The following VGF variants were observed in gnomAD, a reference collection of about 807,000 sequenced individuals.
VGF encodes VGF nerve growth factor inducible.
Under a neutral mutation model 41.1 loss-of-function variants are expected in VGF, and 13 were observed. That is an observed-to-expected ratio of 0.32 (90% CI 0.21 to 0.50). The LOEUF (loss-of-function observed/expected upper bound fraction) is 0.50, where lower values mean the gene tolerates loss of function less well. VGF is among the 20% of genes least tolerant of loss of function. The pLI is 0.98. For synonymous variants in VGF, 473 were observed against 418.3 expected, an observed-to-expected ratio of 1.13 and a Z score of -1.60; for missense variants, 920 against 882.1, an observed-to-expected ratio of 1.04 and a Z score of -0.54.
rs764321082 is a variant in VGF, at chr7:101,164,557, G to A, written c.287C>T (p.Pro96Leu). The A allele has an allele frequency of 6.3e-7, 1 of 1,599,642 alleles. No individual in the cohort carries two copies. The highest frequency in any genetic ancestry group is 1.7e-5 in the Admixed American group (1 of 59,330). ...LLQALDRPAS[P>L]PAPSGSQQGP... ...CTGCTGGGAGCCGCTTGGTGCCGGG[G>A]GTGAGGCGGGACGGTCGAGTGCCTG... The change falls in exon 2 of 2, where the codon CCC (proline) becomes CTC (leucine). Residue 96 changes from proline (P) to leucine (L), a missense_variant. By Grantham distance (98) the Pro-to-Leu change is moderately conservative (BLOSUM62 -3). Around this residue, in one of 3 missense-constraint regions of VGF, gnomAD observed 654 missense variants for 638.4 expected, o/e 1.02. Coordinates refer to ENST00000249330, the MANE Select transcript of VGF (RefSeq NM_003378.4).
rs559485433 is a variant in VGF at position 101,162,938 on chromosome 7, G to C, written c.*58C>G. The C allele has an allele frequency of 2.7e-5, 23 of 841,126 alleles. No homozygotes were observed. Among genetic ancestry groups the C allele is most frequent in the African/African-American group, 3.6e-5 (2 of 55,240 alleles). 52.1% of individuals were successfully genotyped at this position (841,126 alleles called of 1,614,324 possible). A position where few individuals can be genotyped will look rare whatever the true frequency, so the allele number is the denominator to read the frequency against. The stretch of plus-strand genomic sequence containing the variant: ...CCGAGGGGGAGCGGGCAACACGGAG[G>C]GGGGCGCCGGCGCGCGCGCGCGGCG... On this transcript the variant is annotated 3_prime_UTR_variant, in exon 2 of 2. Transcript: ENST00000249330. This position sits in a 1 kb window ranked among gnomAD's most constrained non-coding sequence, Gnocchi z 4.2.
upstream of VGF, among the ~76,000 whole-genome samples, chr7:101,169,002 C>T (rs1486070466): frequency 2.0e-5 from 3 of 152,010 alleles, no homozygotes; most frequent in East Asian, 5.8e-4. Context: ...ATTTAGAACA[C>T]ACTCTTGCCC....
rs1403938988 is a variant in VGF at position 101,164,083 on chromosome 7, G to C, written c.761C>G (p.Pro254Arg). Residue 254 changes from proline (P) to arginine (R), a missense_variant, in exon 2 of 2, where the codon CCC (proline) becomes CGC (arginine). By Grantham distance (103) the Pro-to-Arg change is moderately radical. Around this residue, in one of 3 missense-constraint regions of VGF, gnomAD observed 654 missense variants for 638.4 expected, o/e 1.02. Transcript: ENST00000249330. ...CAATGCCTCGCCTAGGTGTGTTTTG[G>C]GGGAGGACACTCCTTCCCCGAACTT... ...THKFGEGVSS[P>R]KTHLGEALAP... 6.7e-7 allele frequency: 1 copy of C among 1,500,172 alleles called. No individual in the cohort carries two copies. The highest frequency in any genetic ancestry group is 8.8e-7 in the Non-Finnish European group (1 of 1,132,326). The allele number at this position is 1,500,172 out of a possible 1,614,324, so 92.9% of individuals were successfully genotyped here. A position where few individuals can be genotyped will look rare whatever the true frequency, so the allele number is the denominator to read the frequency against.
Position 101,162,823 on chromosome 7 carries a change from C to T in VGF, c.*173G>A. On this transcript the variant is annotated 3_prime_UTR_variant, in exon 2 of 2. Coordinates refer to ENST00000249330, the MANE Select transcript of VGF (RefSeq NM_003378.4). The surrounding 1 kb of genome is among the most constrained non-coding windows in gnomAD (Gnocchi z 4.2). ...CGCGGGTGAGCTCTGGGAGTTCGGG[C>T]TCAGGACCCGGGAGGGGGGTCTGGC... 1.5e-6 allele frequency: 1 copy of T among 662,748 alleles called. No homozygotes were observed. Among genetic ancestry groups the T allele is most frequent in the East Asian group, 3.1e-5 (1 of 32,306 alleles). 41.1% of individuals were successfully genotyped at this position (662,748 alleles called of 1,614,324 possible). A position where few individuals can be genotyped will look rare whatever the true frequency, so the allele number is the denominator to read the frequency against.
upstream of VGF, among the ~76,000 whole-genome samples, chr7:101,166,029 G>C (rs1003508089): frequency 6.6e-6 from 1 of 152,190 alleles, no homozygotes; most frequent in East Asian, 1.9e-4. Flanking sequence ...GGGCACCAGT[G>C]GGAGCTCAAT....
intron 1 of VGF, chr7:101,165,122 A>G: frequency 8.5e-7 from 1 of 1,181,608 alleles, no homozygotes; most frequent in Non-Finnish European, 1.0e-6. Context: ...TCTCACTGCC[A>G]TCGCCCACGT....
Position 101,163,395 on chromosome 7 carries a change from C to T in VGF, c.1449G>A (p.Lys483=), listed in dbSNP as rs746511140. ...IEEVEEKRKR[K]KNAPPEPVPP... The stretch of plus-strand genomic sequence containing the variant: ...GCACGGGCTCGGGAGGGGCGTTCTT[C>T]TTCCGCTTCCGCTTCTCCTCCACCT... The change falls in exon 2 of 2, where the codon AAG becomes AAA. Residue 483 remains lysine, a synonymous_variant. Transcript: ENST00000249330. The surrounding 1 kb of genome is among the most constrained non-coding windows in gnomAD (Gnocchi z 5.0). The T allele has an allele frequency of 4.9e-5, 78 of 1,600,366 alleles. No individual in the cohort carries two copies. Among genetic ancestry groups the T allele is most frequent in the Admixed American group, 1.0e-4 (6 of 59,854 alleles).
rs751124945 is a variant in VGF at position 101,164,107 on chromosome 7, T to G, written c.737A>C (p.Lys246Thr). 2 of 1,500,870 alleles carry G rather than the reference T, an allele frequency of 1.3e-6. No homozygotes were observed. The allele number at this position is 1,500,870 out of a possible 1,614,324, so 93.0% of individuals were successfully genotyped here. A position where few individuals can be genotyped will look rare whatever the true frequency, so the allele number is the denominator to read the frequency against. Residue 246 changes from lysine to threonine, a missense_variant, in exon 2 of 2, where the codon AAG becomes ACG. Physicochemically the swap from Lys to Thr is moderately conservative, Grantham distance 78. Coordinates refer to ENST00000249330, the MANE Select transcript of VGF (RefSeq NM_003378.4). Reference protein sequence around the residue: ...PDSGPLPETHKFGEGVSSPKT... With the variant: ...PDSGPLPETHTFGEGVSSPKT... Reference sequence around the variant, plus strand: ...GGGGGAGGACACTCCTTCCCCGAACTTGTGGGTTTCGGGAAGGGGCCCGCT... The same window carrying G: ...GGGGGAGGACACTCCTTCCCCGAACGTGTGGGTTTCGGGAAGGGGCCCGCT...
rs751945028 is a variant in VGF, at chr7:101,163,366, G to T, written c.1478C>A (p.Pro493His). 2.9e-5 allele frequency: 44 copies of T among 1,543,034 alleles called. No individual in the cohort carries two copies. Among genetic ancestry groups the T allele is most frequent in the Middle Eastern group, 2.3e-4 (1 of 4,316 alleles). Residue 493 changes from proline to histidine, a missense_variant, in exon 2 of 2, where the codon CCC (proline) becomes CAC (histidine). Pro to His is a moderately conservative substitution (Grantham distance 77). Transcript: ENST00000249330. The surrounding 1 kb of genome is among the most constrained non-coding windows in gnomAD (Gnocchi z 5.0). ...GGTGGGGGCGGGGGCGGCACGGGGGGGCGGCACGGGCTCGGGAGGGGCGTT... is the reference window on the plus strand; with the variant it reads ...GGTGGGGGCGGGGGCGGCACGGGGGTGCGGCACGGGCTCGGGAGGGGCGTT... ...KKNAPPEPVP[P>H]PRAAPAPTHV...
upstream of VGF, among the ~76,000 whole-genome samples, chr7:101,167,691 T>C (rs537460801): frequency 5.8e-4 from 88 of 152,142 alleles, no homozygotes; most frequent in African/African-American, 1.8e-3. The surrounding 1 kb of genome is among the most constrained non-coding windows in gnomAD (Gnocchi z 4.2). Context: ...AGTTGCAAGA[T>C]GAGAGAAGAC....
At position 101,164,213 on chromosome 7, in the gene VGF, C is replaced by T. The variant is rs767186947; in HGVS notation, c.631G>A (p.Gly211Arg). Reference sequence around the variant, plus strand: ...TCCGGGACACGCGCCTGGAACTCTCCCCAGGAAGCGCGCCATACGCGCTCT... The same window carrying T: ...TCCGGGACACGCGCCTGGAACTCTCTCCAGGAAGCGCGCCATACGCGCTCT... ...GPERVWRASW[G>R]EFQARVPERA... The change falls in exon 2 of 2, where the codon GGA becomes AGA. Residue 211 changes from glycine (G) to arginine (R), a missense_variant. Transcript: ENST00000249330. The T allele has an allele frequency of 1.7e-5, 26 of 1,563,422 alleles. No homozygotes were observed. Among genetic ancestry groups the T allele is most frequent in the Non-Finnish European group, 2.2e-5 (25 of 1,157,786 alleles).
chr7:101,163,239 GTCC>G lies in VGF; in HGVS notation c.1602_1604del (p.Glu534del), dbSNP rs756270091. 2.6e-6 allele frequency: 4 copies of G among 1,526,348 alleles called. No homozygotes were observed. Among genetic ancestry groups the G allele is most frequent in the East Asian group, 4.7e-5 (2 of 42,582 alleles). 94.6% of individuals were successfully genotyped at this position (1,526,348 alleles called of 1,614,324 possible). A position where few individuals can be genotyped will look rare whatever the true frequency, so the allele number is the denominator to read the frequency against. On this transcript the variant is annotated inframe_deletion, in exon 2 of 2. Transcript: ENST00000249330. This position sits in a 1 kb window ranked among gnomAD's most constrained non-coding sequence, Gnocchi z 5.0. ...GGTACGGCCCTGGCGGGTACACCTC[GTCC>G]TCCTCCCGATCCCAGGGCGGGAGCA... is the stretch of plus-strand genomic sequence containing the variant.
In VGF at chr7:101,162,733, G is replaced by C; in HGVS notation, c.*263C>G. 8.4e-6 allele frequency: 5 copies of C among 594,102 alleles called. No homozygotes were observed. Among genetic ancestry groups the C allele is most frequent in the South Asian group, 6.1e-5 (4 of 65,206 alleles). The allele number at this position is 594,102 out of a possible 1,614,324, so 36.8% of individuals were successfully genotyped here. On this transcript the variant is annotated 3_prime_UTR_variant, in exon 2 of 2. Coordinates refer to ENST00000249330, the MANE Select transcript of VGF (RefSeq NM_003378.4). This position sits in a 1 kb window ranked among gnomAD's most constrained non-coding sequence, Gnocchi z 4.2. ...GTCCCCAGAGGGACTTGATGGGGCCGGGGCCCCGCGTGGCAAGGGAACTCG... is the reference window on the plus strand; with the variant it reads ...GTCCCCAGAGGGACTTGATGGGGCCCGGGCCCCGCGTGGCAAGGGAACTCG...
rs765733381 is a variant in VGF, at chr7:101,164,304, C to A, written c.540G>T (p.Thr180=). 3.1e-6 allele frequency: 5 copies of A among 1,609,672 alleles called. No individual in the cohort carries two copies. The highest frequency in any genetic ancestry group is 3.4e-6 in the Non-Finnish European group (4 of 1,179,828). The change falls in exon 2 of 2, where the codon ACG becomes ACT. Residue 180 remains threonine (T), a synonymous_variant. Transcript: ENST00000249330. The part of the protein sequence containing the change: ...SPSSAKRQQE[T]AAAETETRTH... ...TGCGGGTTTCCGTCTCTGCTGCCGC[C>A]GTCTCCTGCTGGCGCTTGGCGCTAC... is the stretch of plus-strand genomic sequence containing the variant.
Position 101,163,578 on chromosome 7 carries a change from C to T in VGF, c.1266G>A (p.Glu422=). 2 of 1,576,216 alleles carry T rather than the reference C, an allele frequency of 1.3e-6. No homozygotes were observed. Among genetic ancestry groups the T allele is most frequent in the South Asian group, 1.1e-5 (1 of 87,542 alleles). ...EAGAEDKRSQ[E]ETPGHRRKEA... ...CCTTCCGCCGGTGGCCCGGCGTCTCCTCCTGGGAGCGCTTGTCCTCGGCGC... is the reference window on the plus strand; with the variant it reads ...CCTTCCGCCGGTGGCCCGGCGTCTCTTCCTGGGAGCGCTTGTCCTCGGCGC... Residue 422 remains glutamate (E), a synonymous_variant, in exon 2 of 2, where the codon GAG becomes GAA. Transcript: ENST00000249330. The surrounding 1 kb of genome is among the most constrained non-coding windows in gnomAD (Gnocchi z 5.0).
rs764988113 is a variant in VGF, at chr7:101,162,960, G to GGCGGGGGCGC, written c.*26_*35dup. ...GAGGGGGGCGCCGGCGCGCGCGCGC[G>GGCGGGGGCGC]GCGGGGGCGCGCGGGGGCGGGACCG... On this transcript the variant is annotated 3_prime_UTR_variant, in exon 2 of 2. Coordinates refer to ENST00000249330, the MANE Select transcript of VGF (RefSeq NM_003378.4). This position sits in a 1 kb window ranked among gnomAD's most constrained non-coding sequence, Gnocchi z 4.2. 11 of 1,136,794 alleles carry GGCGGGGGCGC rather than the reference G, an allele frequency of 9.7e-6. No individual in the cohort carries two copies. In the South Asian group the frequency reaches 1.4e-4, roughly 14 times the overall value. The allele number at this position is 1,136,794 out of a possible 1,614,324, so 70.4% of individuals were successfully genotyped here.
Position 101,164,527 on chromosome 7 carries a change from G to T in VGF, c.317C>A (p.Pro106Gln). The change falls in exon 2 of 2, where the codon CCG becomes CAG. Residue 106 changes from proline (P) to glutamine (Q), a missense_variant. Physicochemically the swap from Pro to Gln is moderately conservative, Grantham distance 76 (BLOSUM62 -1). Coordinates refer to ENST00000249330, the MANE Select transcript of VGF (RefSeq NM_003378.4). ...PPAPSGSQQGPEEEAAEALLT... is the reference protein window; with the variant it reads ...PPAPSGSQQGQEEEAAEALLT... ...CAGAGCTTCAGCTGCTTCTTCCTCC[G>T]GCCCCTGCTGGGAGCCGCTTGGTGC... 6.3e-7 allele frequency: 1 copy of T among 1,598,872 alleles called. No homozygotes were observed.
chr7:101,166,531 C>A (rs1181236756), upstream of VGF, among the ~76,000 whole-genome samples: 1 of 145,436 alleles, frequency 6.9e-6, no homozygotes, highest in African/African-American at 2.6e-5. Context: ...GGGGGTGACT[C>A]AACTCCAGCT....
In VGF at chr7:101,163,515, G is replaced by GTCC; in HGVS notation, c.1326_1328dup (p.Glu442dup). On this transcript the variant is annotated inframe_insertion, in exon 2 of 2. Transcript: ENST00000249330. This position sits in a 1 kb window ranked among gnomAD's most constrained non-coding sequence, Gnocchi z 5.0. ...TCGTCTGCGGATCCATCTCCTCGTC[G>GTCC]TCCTCCTCCTCCCCGCCCTCCTCTG... 2 of 1,610,918 alleles carry GTCC rather than the reference G, an allele frequency of 1.2e-6. No individual in the cohort carries two copies. The highest frequency in any genetic ancestry group is 2.7e-5 in the African/African-American group (2 of 74,934).
Sources: allele counts gnomAD v4.1 joint callset (sites outside exome capture counted in the v4.1 genomes callset), GRCh38; gene constraint gnomAD v4.1.1; regional missense constraint gnomAD v4.1.1; non-coding constraint Gnocchi (gnomAD v3.1); transcripts MANE v1.5; gene names NCBI Gene and HGNC (gene_info 2026-07-23, HGNC 2026-07-21).